Variants in CNGB1 observed in about 807,000 individuals in gnomAD.
The protein encoded by CNGB1 is cyclic nucleotide gated channel subunit beta 1.
In CNGB1, 126 loss-of-function variants were observed where a neutral mutation model predicts 151.7. That is an observed-to-expected ratio of 0.83 (90% CI 0.72 to 0.96). The LOEUF (loss-of-function observed/expected upper bound fraction) is 0.96, where lower values mean the gene tolerates loss of function less well. Ranked by LOEUF, CNGB1 falls within the 40% of genes least tolerant of loss-of-function variation. The pLI is 0.00. For synonymous variants in CNGB1, 623 were observed against 635.1 expected (o/e 0.98, Z 0.29); for missense variants, 1,698 against 1,627.0 (o/e 1.04, Z -0.75).
At chr16:57,895,534 T>A (rs1264020691) in intron 31 of CNGB1, among the ~76,000 whole-genome samples, 1 of 148,328 alleles carries the variant, frequency 6.7e-6, no homozygotes, top group East Asian at 1.9e-4. Context: ...ATACATAATA[T>A]ATTATATATG....
intron 12 of CNGB1, chr16:57,954,788 C>T (rs1351277743): frequency 1.0e-6 from 1 of 989,180 alleles, no homozygotes; most frequent in Non-Finnish European, 1.2e-6. Flanking sequence ...AGAACCTCTT[C>T]TGGGAAAAAC....
intron 25 of CNGB1, 90 bp from the exon 26 acceptor site, chr16:57,904,965 A>G: frequency 1.3e-6 from 2 of 1,518,124 alleles, no homozygotes; most frequent in Non-Finnish European, 1.8e-6. Context: ...TGATAGATGC[A>G]TGTTGTGCAA....
Position 57,897,791 on chromosome 16 carries a change from C to A in CNGB1, c.3095+5G>T. ...GCCCCTCACTTTACCCCAGCTGCGT[C>A]TGACCTTATTTCTCCAAACACAGAT... On this transcript the variant is annotated splice_donor_5th_base_variant and intron_variant, in intron 30 of 32. Transcript: ENST00000251102. 3.1e-6 allele frequency: 5 copies of A among 1,613,962 alleles called. No individual in the cohort carries two copies. The highest frequency in any genetic ancestry group is 4.2e-6 in the Non-Finnish European group (5 of 1,179,802).
rs1300663494 is a variant in CNGB1 at position 57,923,295 on chromosome 16, G to T, written c.1621C>A (p.Pro541Thr). Residue 541 changes from proline to threonine, a missense_variant, in exon 18 of 33, where the codon CCC becomes ACC. Coordinates refer to ENST00000251102, the MANE Select transcript of CNGB1 (RefSeq NM_001297.5). ...CACTCAGTGTCCTTCGGGGTGGTGGGGTCAGACCAGGCAACCACTGGGGAC... is the reference window on the plus strand; with the variant it reads ...CACTCAGTGTCCTTCGGGGTGGTGGTGTCAGACCAGGCAACCACTGGGGAC... Reference protein sequence around the residue: ...AESPVVAWSDPTTPKDTDGQD... With the variant: ...AESPVVAWSDTTTPKDTDGQD... The T allele has an allele frequency of 6.2e-7, 1 of 1,613,248 alleles. No individual in the cohort carries two copies. The highest frequency in any genetic ancestry group is 8.5e-7 in the Non-Finnish European group (1 of 1,179,794).
At chr16:57,964,456 T>A in intron 3 of CNGB1, 31 bp downstream of exon 3, 7 of 1,613,442 alleles carry the variant, frequency 4.3e-6, no homozygotes, top group South Asian at 1.1e-5. Flanking sequence ...CCCCCTGCCA[T>A]GCCAGCCTGG....
chr16:57,969,000 G>C (rs2149391097), intron 1 of CNGB1, among the ~76,000 whole-genome samples: 1 of 148,604 alleles, frequency 6.7e-6, no homozygotes, highest in African/African-American at 2.5e-5. Context: ...GCAAGATCCT[G>C]TCTCAAAAAA....
At chr16:57,900,558 C>G (rs1246991976) in intron 29 of CNGB1, among the ~76,000 whole-genome samples, 1 of 152,260 alleles carries the variant, frequency 6.6e-6, no homozygotes, top group East Asian at 1.9e-4. Flanking sequence ...GCAGAAAGGG[C>G]TCTAGACATT....
intron 25 of CNGB1, among the ~76,000 whole-genome samples, chr16:57,908,964 A>ACT (rs1960634146): frequency 6.6e-6 from 1 of 152,154 alleles, no homozygotes; most frequent in Admixed American, 6.5e-5. Flanking sequence ...CAGGGGAGCG[A>ACT]GTGTCGCCTT....
rs1172449895 is a variant in CNGB1 at position 57,903,986 on chromosome 16, G to A, written c.2635-5C>T. On this transcript the variant is annotated splice_polypyrimidine_tract_variant and splice_region_variant and intron_variant, in intron 26 of 32. Transcript: ENST00000251102. The stretch of plus-strand genomic sequence containing the variant: ...GGCCCCTACCACATCTCTCATCTGG[G>A]GGAAGGGTTATGGGAGGTCAAGGAA... 1 of 1,613,546 alleles carries A rather than the reference G, an allele frequency of 6.2e-7. No individual in the cohort carries two copies. Among genetic ancestry groups the A allele is most frequent in the Non-Finnish European group, 8.5e-7 (1 of 1,179,858 alleles).
chr16:57,929,994 T>C (rs1388947036), intron 17 of CNGB1, among the ~76,000 whole-genome samples: 1 of 151,584 alleles, frequency 6.6e-6, no homozygotes, highest in African/African-American at 2.4e-5. Flanking sequence ...ATAGGAAAAA[T>C]GGTATAGTCA....
intron 20 of CNGB1, among the ~76,000 whole-genome samples, chr16:57,918,042 G>T (rs746525648): frequency 3.7e-5 from 4 of 107,260 alleles, no homozygotes; most frequent in Admixed American, 3.6e-4. Flanking sequence ...TGAATGCATG[G>T]ATGGATGGAT....
At chr16:57,924,460 A>C (rs1961131029) in intron 17 of CNGB1, among the ~76,000 whole-genome samples, 1 of 152,246 alleles carries the variant, frequency 6.6e-6, no homozygotes, top group South Asian at 2.1e-4. Flanking sequence ...CCATGAATGA[A>C]GTCCTGGTGG....
At chr16:57,961,662 A>ATGAG (rs1555493982) in intron 7 of CNGB1, among the ~76,000 whole-genome samples, 4 of 144,300 alleles carry the variant, frequency 2.8e-5, no homozygotes, top group Non-Finnish European at 1.6e-5. Context: ...GAATGAATGA[A>ATGAG]TGAATGAGTG....
chr16:57,933,724 C>CTTTTTTTTTT (rs5817126), intron 16 of CNGB1, among the ~76,000 whole-genome samples: 1 of 119,596 alleles, frequency 8.4e-6, no homozygotes, highest in African/African-American at 2.9e-5. Context: ...CTTTTCTTTT[C>CTTTTTTTTTT]TTTTTTTTTT....
chr16:57,916,016 T>C (rs145147139), intron 22 of CNGB1, 113 bp downstream of exon 22: 2 of 999,356 alleles, frequency 2.0e-6, no homozygotes, highest in African/African-American at 1.6e-5. Context: ...GGGACCAGCA[T>C]CCCTCCGTGT....
Position 57,917,465 on chromosome 16 carries a change from C to G in CNGB1, c.1969G>C (p.Val657Leu). The G allele has an allele frequency of 6.2e-7, 1 of 1,614,072 alleles. No individual in the cohort carries two copies. Among genetic ancestry groups the G allele is most frequent in the Non-Finnish European group, 8.5e-7 (1 of 1,180,020 alleles). ...ATCACCACGAAGAACAGCCATAGGA[C>G]ATACATCAGGTCTGTGGGGAAGGTT... ...SIDPLTNLMY[V>L]LWLFFVVMAW... The change falls in exon 21 of 33, where the codon GTC (valine) becomes CTC (leucine). Residue 657 changes from valine to leucine, a missense_variant. Transcript: ENST00000251102.
chr16:57,899,911 C>T (rs1344720754), intron 29 of CNGB1, among the ~76,000 whole-genome samples: 1 of 152,184 alleles, frequency 6.6e-6, no homozygotes, highest in East Asian at 1.9e-4. Flanking sequence ...AGAGGGCGCC[C>T]TTCACACGTG....
intron 22 of CNGB1, 106 bp downstream of exon 22, chr16:57,916,023 G>A (rs572475911): frequency 2.3e-5 from 25 of 1,065,940 alleles, no homozygotes; most frequent in East Asian, 4.7e-5. Flanking sequence ...GCATCCCTCC[G>A]TGTGGCAGAA....
chr16:57,961,048 C>T (rs1962242523), intron 7 of CNGB1, 133 bp from the exon 8 acceptor site: 2 of 804,002 alleles, frequency 2.5e-6, no homozygotes, highest in Non-Finnish European at 4.2e-6. Flanking sequence ...GGGCCTTGTC[C>T]TGGAAACTCT....
Sources: gnomAD v4.1 joint callset for allele counts (sites outside exome capture counted in the v4.1 genomes callset) on GRCh38, gnomAD v4.1.1 for gene constraint, MANE v1.5 for transcripts, NCBI Gene and HGNC (gene_info 2026-07-23, HGNC 2026-07-21) for gene names.